The following NALF1 variants were observed in gnomAD, a reference collection of about 807,000 sequenced individuals.
NALF1 encodes family with sequence similarity 155 member A.
NALF1 carries 3 observed loss-of-function variants against 48.4 expected under a neutral mutation model. The ratio of observed to expected loss-of-function variants is 0.06; its 90% CI spans 0.03 to 0.16. The LOEUF (loss-of-function observed/expected upper bound fraction) is 0.16, where lower values mean the gene tolerates loss of function less well. Ranked by LOEUF, NALF1 falls within the 10% of genes least tolerant of loss-of-function variation. The pLI, the probability that NALF1 is intolerant of heterozygous loss-of-function variation, is 1.00. For missense variants in NALF1, 526 were observed against 571.5 expected (o/e 0.92, Z 0.81); for synonymous variants, 262 against 245.7 (o/e 1.07, Z -0.62).
chr13:107,354,568 C>A (rs756179127), intron 1 of NALF1, among the ~76,000 whole-genome samples: 1 of 152,074 alleles, frequency 6.6e-6, no homozygotes, highest in African/African-American at 2.4e-5. Context: ...GGTCCGCCCC[C>A]GAACAATAGG....
At chr13:107,637,121 T>A (rs1879999624) in intron 1 of NALF1, among the ~76,000 whole-genome samples, 1 of 151,928 alleles carries the variant, frequency 6.6e-6, no homozygotes, top group Non-Finnish European at 1.5e-5. Flanking sequence ...TATCATAGAT[T>A]ATAACACCTC....
chr13:107,737,510 G>C (rs1303496807), intron 1 of NALF1, among the ~76,000 whole-genome samples: 1 of 152,060 alleles, frequency 6.6e-6, no homozygotes, highest in Non-Finnish European at 1.5e-5. Context: ...GGAAATGATA[G>C]GTGATTATTT....
At chr13:107,385,552 CAAAAAAAAAAAAAAA>C (rs201307018) in intron 1 of NALF1, among the ~76,000 whole-genome samples, 11 of 118,290 alleles carry the variant, frequency 9.3e-5, no homozygotes, top group South Asian at 2.9e-4. Context: ...GATTCCATCT[CAAAAAAAAAAAAAAA>C]AAAAAAAAAA....
At chr13:107,647,349 A>C (rs563443945) in intron 1 of NALF1, among the ~76,000 whole-genome samples, 1 of 152,128 alleles carries the variant, frequency 6.6e-6, no homozygotes, top group African/African-American at 2.4e-5. Context: ...CATACAGACA[A>C]GATGCATTTT....
At chr13:107,594,091 A>T (rs2138419495) in intron 1 of NALF1, among the ~76,000 whole-genome samples, 1 of 152,086 alleles carries the variant, frequency 6.6e-6, no homozygotes, top group East Asian at 1.9e-4. Context: ...TCAAATCCAA[A>T]TCCCTCAAAA....
chr13:107,412,483 G>A (rs1239368255), intron 1 of NALF1, among the ~76,000 whole-genome samples: 2 of 152,016 alleles, frequency 1.3e-5, no homozygotes, highest in Admixed American at 6.6e-5. Flanking sequence ...TGGCACTGCA[G>A]TATTCACACT....
chr13:107,370,527 G>T (rs1400692615), intron 1 of NALF1, among the ~76,000 whole-genome samples: 1 of 152,124 alleles, frequency 6.6e-6, no homozygotes, highest in African/African-American at 2.4e-5. Flanking sequence ...AGTTAATGAG[G>T]CTTAAACTCT....
chr13:107,366,541 C>A (rs962605451), intron 1 of NALF1, among the ~76,000 whole-genome samples: 1 of 152,184 alleles, frequency 6.6e-6, no homozygotes, highest in Non-Finnish European at 1.5e-5. Flanking sequence ...TGATAGCCAT[C>A]ATTTTCCATT....
At chr13:107,581,219 T>A (rs1878298215) in intron 1 of NALF1, among the ~76,000 whole-genome samples, 1 of 152,194 alleles carries the variant, frequency 6.6e-6, no homozygotes, top group Non-Finnish European at 1.5e-5. Flanking sequence ...AACTGCTGTG[T>A]CATTGTCTCT....
chr13:107,742,549 G>T (rs1446414895), intron 1 of NALF1, among the ~76,000 whole-genome samples: 1 of 152,154 alleles, frequency 6.6e-6, no homozygotes, highest in African/African-American at 2.4e-5. Flanking sequence ...AGAAGCATGG[G>T]TTTACTTCCC....
At chr13:107,294,985 C>CT (rs5806644) in intron 1 of NALF1, among the ~76,000 whole-genome samples, 40,453 of 151,396 alleles carry the variant, frequency 0.27, 6,413 homozygotes, top group African/African-American at 0.45. Flanking sequence ...TACTGAATTT[C>CT]TTTTTTTTTC....
chr13:107,254,062 A>AAAAAAAAAAATATATATAT lies in NALF1; in HGVS notation c.916-43308_916-43307insATATATATATTTTTTTTTT. Among the ~76,000 whole-genome samples the AAAAAAAAAAATATATATAT allele has an allele frequency of 5.0e-5, 7 of 138,682 alleles. No homozygotes were observed. The South Asian group carries it at 9.3e-4, about 18-fold the overall frequency. 91.0% of individuals were successfully genotyped at this position (138,682 alleles called of 152,430 possible). A position where few individuals can be genotyped will look rare whatever the true frequency, so the allele number is the denominator to read the frequency against. Reference sequence around the variant, plus strand: ...AGATGTTTAAGGGAGCAAGTACTAAAATATATATATATATATTAAGCACAC... The same window carrying AAAAAAAAAAATATATATAT: ...AGATGTTTAAGGGAGCAAGTACTAAAAAAAAAAAAATATATATATATATATATATATATATTAAGCACAC... On this transcript the variant is annotated intron_variant, in intron 1 of 2. Transcript: ENST00000375915.
At chr13:107,753,460 A>C (rs1225339188) in intron 1 of NALF1, among the ~76,000 whole-genome samples, 1 of 151,106 alleles carries the variant, frequency 6.6e-6, no homozygotes, top group Non-Finnish European at 1.5e-5. Flanking sequence ...ACCAATGTAA[A>C]TAGTGTGTTT....
At chr13:107,744,665 G>T (rs1200407762) in intron 1 of NALF1, among the ~76,000 whole-genome samples, 2 of 152,198 alleles carry the variant, frequency 1.3e-5, no homozygotes, top group African/African-American at 4.8e-5. Flanking sequence ...TCCCAAGAAG[G>T]TCTGTCTACA....
chr13:107,646,813 T>C (rs547206456), intron 1 of NALF1, among the ~76,000 whole-genome samples: 9 of 152,228 alleles, frequency 5.9e-5, no homozygotes, highest in African/African-American at 1.9e-4. Context: ...TTTATGAATA[T>C]ATGAATTCAT....
intron 1 of NALF1, among the ~76,000 whole-genome samples, chr13:107,729,614 T>C (rs1876252060): frequency 6.6e-6 from 1 of 151,970 alleles, no homozygotes; most frequent in South Asian, 2.1e-4. Context: ...GTAGCTGAGA[T>C]TACAGGCGCC....
chr13:107,768,901 A>G (rs896597435), intron 1 of NALF1, among the ~76,000 whole-genome samples: 1 of 152,194 alleles, frequency 6.6e-6, no homozygotes, highest in Non-Finnish European at 1.5e-5. Context: ...ACACTTCTCA[A>G]AAGAAGACAT....
intron 1 of NALF1, among the ~76,000 whole-genome samples, chr13:107,783,626 G>A (rs990484134): frequency 2.6e-5 from 4 of 151,980 alleles, no homozygotes; most frequent in Non-Finnish European, 4.4e-5. Context: ...GATTAAGGGC[G>A]GTGCAAGATG....
intron 1 of NALF1, among the ~76,000 whole-genome samples, chr13:107,703,252 TCTAA>T (rs1011203012): frequency 1.3e-5 from 2 of 152,342 alleles, no homozygotes; most frequent in East Asian, 1.9e-4. Flanking sequence ...TTATACATTT[TCTAA>T]CTATTTAAAT....
Sources: gnomAD v4.1 joint callset for allele counts (sites outside exome capture counted in the v4.1 genomes callset) on GRCh38, gnomAD v4.1.1 for gene constraint, MANE v1.5 for transcripts, NCBI Gene and HGNC (gene_info 2026-07-23, HGNC 2026-07-21) for gene names.